PTPRN2: variants seen among roughly 807,000 people sequenced by gnomAD.
The protein encoded by PTPRN2 is receptor-type tyrosine-protein phosphatase N2.
In PTPRN2, 74 loss-of-function variants were observed where a neutral mutation model predicts 118.8. That is an observed-to-expected ratio of 0.62 (90% confidence interval 0.52 to 0.76). PTPRN2 has a LOEUF of 0.76. Among genes scored for constraint, PTPRN2 ranks in the 30% least tolerant of loss-of-function variants. The probability of loss-of-function intolerance (pLI) is 0.00; values close to 1 mark genes in which losing one functional copy is unlikely to be tolerated. For synonymous variants in PTPRN2, 641 were observed against 608.0 expected (o/e 1.05, Z -0.80); for missense variants, 1,481 against 1,394.4 (o/e 1.06, Z -0.99).
chr7:157,835,411 C>T (rs117632956), intron 12 of PTPRN2, among the ~76,000 whole-genome samples: 2,297 of 152,250 alleles, frequency 0.015, 23 homozygotes, highest in Admixed American at 0.022. Context: ...CACATTGAGG[C>T]GGCAGAGCAG....
chr7:158,295,774 T>A (rs1278840906), intron 3 of PTPRN2, among the ~76,000 whole-genome samples: 1 of 139,538 alleles, frequency 7.2e-6, no homozygotes, highest in Non-Finnish European at 1.6e-5. Flanking sequence ...CCACTCTCCA[T>A]CCGCACGGTT....
chr7:158,159,552 T>C (rs1228285110), intron 6 of PTPRN2, among the ~76,000 whole-genome samples: 1 of 152,156 alleles, frequency 6.6e-6, no homozygotes, highest in East Asian at 1.9e-4. Context: ...AGAACCAAGA[T>C]GATGAAAGAA....
intron 12 of PTPRN2, among the ~76,000 whole-genome samples, chr7:157,846,630 G>C (rs1808822406): frequency 6.6e-6 from 1 of 152,224 alleles, no homozygotes; most frequent in African/African-American, 2.4e-5. Flanking sequence ...TGTGCTGCAG[G>C]TGTGTCTGAT....
At chr7:158,127,329 C>A (rs1015447222) in intron 9 of PTPRN2, among the ~76,000 whole-genome samples, 1 of 152,132 alleles carries the variant, frequency 6.6e-6, no homozygotes. Context: ...CCTCTGCTTG[C>A]GCCCTGCATC....
At chr7:158,088,396 A>G (rs1382638818) in intron 10 of PTPRN2, among the ~76,000 whole-genome samples, 8 of 21,318 alleles carry the variant, frequency 3.8e-4, no homozygotes, top group African/African-American at 6.1e-4. Flanking sequence ...CTGATGAAAG[A>G]GGGAGTCTTC....
chr7:158,482,367 A>C (rs1278893945), intron 2 of PTPRN2, among the ~76,000 whole-genome samples: 1 of 152,208 alleles, frequency 6.6e-6, no homozygotes, highest in Non-Finnish European at 1.5e-5. Flanking sequence ...GATGCAGTCA[A>C]TTTTATTTGT....
intron 4 of PTPRN2, among the ~76,000 whole-genome samples, chr7:158,195,212 A>C (rs966523846): frequency 1.3e-5 from 2 of 152,142 alleles, no homozygotes; most frequent in African/African-American, 4.8e-5. Context: ...CTTCCATGGG[A>C]TATGGAATTC....
chr7:157,810,696 G>A lies in PTPRN2; in HGVS notation c.1788+87977C>T, dbSNP rs181308787. On this transcript the variant is annotated intron_variant, in intron 12 of 22. Transcript: ENST00000389418. ...TCTTCACGGGGACGGCGGGACTTCTGGGGGCTGGCTCTCCACGGGGACGGC... is the reference window on the plus strand; with the variant it reads ...TCTTCACGGGGACGGCGGGACTTCTAGGGGCTGGCTCTCCACGGGGACGGC... Among the ~76,000 whole-genome samples, 729 of 144,222 alleles carry A rather than the reference G, an allele frequency of 5.1e-3. 12 individuals are homozygous for A. The South Asian group carries it at 0.069, about 14-fold the overall frequency. 94.6% of individuals were successfully genotyped at this position (144,222 alleles called of 152,430 possible).
intron 13 of PTPRN2, among the ~76,000 whole-genome samples, chr7:157,667,667 C>T (rs561464054): frequency 4.6e-5 from 7 of 152,334 alleles, no homozygotes; most frequent in East Asian, 3.9e-4. Context: ...AAGATGGTGG[C>T]GTCTTCCACT....
chr7:158,412,541 C>T (rs1439602018), intron 2 of PTPRN2, among the ~76,000 whole-genome samples: 2 of 117,416 alleles, frequency 1.7e-5, no homozygotes, highest in Non-Finnish European at 3.5e-5. Flanking sequence ...CACCAGGGCC[C>T]ATCTCAGCAC....
intron 3 of PTPRN2, among the ~76,000 whole-genome samples, chr7:158,292,126 CT>C (rs1225871490): frequency 6.6e-6 from 1 of 152,204 alleles, no homozygotes; most frequent in African/African-American, 2.4e-5. Flanking sequence ...CTTCCTGCTT[CT>C]TTCAGAAATG....
intron 12 of PTPRN2, among the ~76,000 whole-genome samples, chr7:157,726,272 C>A (rs1198194231): frequency 1.4e-5 from 2 of 147,294 alleles, no homozygotes; most frequent in Non-Finnish European, 3.0e-5. Context: ...AACTGGATAT[C>A]CACATGCAGA....
At chr7:158,224,297 T>C (rs1828590641) in intron 3 of PTPRN2, among the ~76,000 whole-genome samples, 1 of 152,072 alleles carries the variant, frequency 6.6e-6, no homozygotes, top group Non-Finnish European at 1.5e-5. Context: ...GCTAAAACAA[T>C]TTGGGAAAAT....
At chr7:158,152,082 G>A (rs1010544562) in intron 6 of PTPRN2, among the ~76,000 whole-genome samples, 4 of 151,082 alleles carry the variant, frequency 2.6e-5, no homozygotes, top group African/African-American at 9.8e-5. Context: ...GCTGAGGCAG[G>A]AGAATGGTGT....
At chr7:158,524,487 A>AGTCTGCCCTGGTGTGGAGTC (rs1824614719) in intron 1 of PTPRN2, among the ~76,000 whole-genome samples, 1 of 104,388 alleles carries the variant, frequency 9.6e-6, no homozygotes, top group African/African-American at 4.4e-5. Flanking sequence ...CCTGGAGCGG[A>AGTCTGCCCTGGTGTGGAGTC]GTCTGCCCTG....
At chr7:158,271,212 T>A (rs1207018871) in intron 3 of PTPRN2, among the ~76,000 whole-genome samples, 2 of 152,022 alleles carry the variant, frequency 1.3e-5, no homozygotes, top group Admixed American at 6.6e-5. Flanking sequence ...GTGCTGCTTC[T>A]CTTGTGTTGT....
chr7:157,907,952 A>C (rs1797871378), intron 11 of PTPRN2, among the ~76,000 whole-genome samples: 1 of 151,814 alleles, frequency 6.6e-6, no homozygotes, highest in Non-Finnish European at 1.5e-5. Context: ...CAAATTCCTG[A>C]CCTCACCGAC....
chr7:158,004,291 G>C (rs963478199), intron 11 of PTPRN2, among the ~76,000 whole-genome samples: 13 of 152,242 alleles, frequency 8.5e-5, no homozygotes, highest in African/African-American at 3.1e-4. Context: ...TGTGGCCCCA[G>C]GACTCAGAGC....
At chr7:158,362,530 T>C (rs1809071583) in intron 2 of PTPRN2, among the ~76,000 whole-genome samples, 1 of 152,244 alleles carries the variant, frequency 6.6e-6, no homozygotes, top group African/African-American at 2.4e-5. Flanking sequence ...CATGGACTCA[T>C]CTACATTTTG....
Sources: allele counts gnomAD v4.1 joint callset (sites outside exome capture counted in the v4.1 genomes callset), GRCh38; gene constraint gnomAD v4.1.1; transcripts MANE v1.5; gene names NCBI Gene and HGNC (gene_info 2026-07-23, HGNC 2026-07-21).